The following PLPPR1 variants were observed in gnomAD, a reference collection of about 807,000 sequenced individuals.
The protein encoded by PLPPR1 is phospholipid phosphatase related 1, also known as phospholipid phosphatase-related protein type 1.
A neutral mutation model predicts 33.1 loss-of-function variants in PLPPR1; 10 were observed. The ratio of observed to expected loss-of-function variants is 0.30; its 90% CI spans 0.19 to 0.51. The LOEUF is 0.51. Among genes scored for constraint, PLPPR1 ranks in the 20% least tolerant of loss-of-function variants. The pLI is 0.97. For synonymous variants in PLPPR1, 151 were observed against 151.0 expected, an observed-to-expected ratio of 1.00 and a Z score of 0.00; for missense variants, 304 against 408.1, an observed-to-expected ratio of 0.74 and a Z score of 2.20.
chr9:101,309,124 T>G (rs575212532), intron 4 of PLPPR1, 87 bp from the exon 5 acceptor site: 1 of 1,369,096 alleles, frequency 7.3e-7, no homozygotes, highest in Non-Finnish European at 1.0e-6. Flanking sequence ...TAGGTCATCA[T>G]GGACTCTCAC....
intron 2 of PLPPR1, among the ~76,000 whole-genome samples, chr9:101,244,982 A>G (rs972864463): frequency 1.1e-4 from 17 of 152,038 alleles, no homozygotes; most frequent in Non-Finnish European, 1.8e-4. Flanking sequence ...TAAGAATACA[A>G]TACACCTACT....
intron 1 of PLPPR1, among the ~76,000 whole-genome samples, chr9:101,085,923 G>C (rs1244761282): frequency 6.6e-6 from 1 of 151,956 alleles, no homozygotes; most frequent in Non-Finnish European, 1.5e-5. Flanking sequence ...TCTTTGCCTT[G>C]TTCCTGATCT....
At chr9:101,183,557 A>G (rs1244854106) in intron 1 of PLPPR1, among the ~76,000 whole-genome samples, 4 of 151,704 alleles carry the variant, frequency 2.6e-5, no homozygotes, top group African/African-American at 9.7e-5. Flanking sequence ...TTTAGGGGTG[A>G]TTAAAAAGTT....
rs376707379 is a variant in PLPPR1, at chr9:101,230,641, A to C, written c.64-39239A>C. Among the ~76,000 whole-genome samples, 137 of 152,166 alleles carry C rather than the reference A, an allele frequency of 9.0e-4. 1 individual carries two copies. Among genetic ancestry groups the C allele is most frequent in the South Asian group, 3.5e-3 (17 of 4,826 alleles). The stretch of plus-strand genomic sequence containing the variant: ...TTTGTGGTTCAGTATTAGGAGGTCC[A>C]CCTAAGTCTCTAACCCAGGCTTTAG... On this transcript the variant is annotated intron_variant, in intron 2 of 7. Coordinates refer to ENST00000374874, the MANE Select transcript of PLPPR1 (RefSeq NM_207299.2).
chr9:101,301,451 GATACAAGGC>G, intron 4 of PLPPR1, among the ~76,000 whole-genome samples: 1 of 152,264 alleles, frequency 6.6e-6, no homozygotes, highest in Non-Finnish European at 1.5e-5. Context: ...ATCACCCTGT[GATACAAGGC>G]ATACTTATAA....
At chr9:101,045,011 C>A (rs998892121) in intron 1 of PLPPR1, among the ~76,000 whole-genome samples, 3 of 152,040 alleles carry the variant, frequency 2.0e-5, no homozygotes, top group African/African-American at 7.3e-5. Flanking sequence ...TAGAAGGGGG[C>A]TGCTTACAAA....
chr9:101,228,463 G>A (rs941908923), intron 2 of PLPPR1, among the ~76,000 whole-genome samples: 2 of 151,968 alleles, frequency 1.3e-5, no homozygotes, highest in Admixed American at 6.6e-5. Flanking sequence ...CTAGAGGGTT[G>A]GTCAGAATAT....
chr9:101,296,046 C>G (rs1191632887), intron 4 of PLPPR1, among the ~76,000 whole-genome samples: 1 of 150,846 alleles, frequency 6.6e-6, no homozygotes, highest in African/African-American at 2.4e-5. Context: ...TTTTCACAAC[C>G]TACTCATCTG....
At chr9:101,128,337 T>G (rs1831272013) in intron 1 of PLPPR1, among the ~76,000 whole-genome samples, 1 of 152,218 alleles carries the variant, frequency 6.6e-6, no homozygotes, top group South Asian at 2.1e-4. Flanking sequence ...TTCAGAGAAG[T>G]TATTTCTTTA....
chr9:101,175,280 A>G (rs2417248), intron 1 of PLPPR1, among the ~76,000 whole-genome samples: 68,711 of 151,876 alleles, frequency 0.45, 16,629 homozygotes, highest in African/African-American at 0.59. Flanking sequence ...AGTTTTGTGG[A>G]CACCTTTCTT....
At chr9:101,237,945 A>G (rs1432893698) in intron 2 of PLPPR1, among the ~76,000 whole-genome samples, 1 of 126,246 alleles carries the variant, frequency 7.9e-6, no homozygotes, top group Admixed American at 8.3e-5. Context: ...TATATATGCT[A>G]TATATATATA....
At chr9:101,058,660 A>G (rs993875780) in intron 1 of PLPPR1, among the ~76,000 whole-genome samples, 1 of 151,986 alleles carries the variant, frequency 6.6e-6, no homozygotes, top group African/African-American at 2.4e-5. Context: ...CATTTAAATT[A>G]TTTTTTTCTA....
chr9:101,292,330 G>A (rs530297861), intron 4 of PLPPR1, among the ~76,000 whole-genome samples: 33 of 152,338 alleles, frequency 2.2e-4, no homozygotes, highest in African/African-American at 7.9e-4. Flanking sequence ...GTACCTGAAA[G>A]TGATGGGGAG....
At chr9:101,301,725 G>A (rs910424630) in intron 4 of PLPPR1, among the ~76,000 whole-genome samples, 5 of 152,134 alleles carry the variant, frequency 3.3e-5, no homozygotes, top group Non-Finnish European at 7.4e-5. Context: ...CAATTGCACC[G>A]AATGTGTTTG....
intron 2 of PLPPR1, among the ~76,000 whole-genome samples, chr9:101,225,041 A>G (rs987780332): frequency 7.9e-5 from 12 of 152,226 alleles, no homozygotes; most frequent in African/African-American, 1.7e-4. Flanking sequence ...TTATAGCCAG[A>G]AATGTGCCAT....
intron 1 of PLPPR1, among the ~76,000 whole-genome samples, chr9:101,045,338 CT>C (rs991218358): frequency 1.4e-4 from 22 of 152,046 alleles, no homozygotes; most frequent in African/African-American, 5.1e-4. Flanking sequence ...CATTCCTGTT[CT>C]TTTATTTATT....
At chr9:101,119,333 A>G (rs1831149700) in intron 1 of PLPPR1, among the ~76,000 whole-genome samples, 1 of 152,140 alleles carries the variant, frequency 6.6e-6, no homozygotes, top group Admixed American at 6.5e-5. Flanking sequence ...CTCCTGGGAG[A>G]TGCTTCAAGA....
At chr9:101,194,906 A>C (rs911469986) in intron 2 of PLPPR1, among the ~76,000 whole-genome samples, 2 of 152,228 alleles carry the variant, frequency 1.3e-5, no homozygotes, top group African/African-American at 4.8e-5. Flanking sequence ...AATATTCTAA[A>C]TTGGCATTTT....
At chr9:101,135,704 G>T (rs960103033) in intron 1 of PLPPR1, among the ~76,000 whole-genome samples, 1 of 152,106 alleles carries the variant, frequency 6.6e-6, no homozygotes, top group South Asian at 2.1e-4. Context: ...AGTTACCTCC[G>T]GCTTAAAGGT....
Sources: gnomAD v4.1 joint callset for allele counts (sites outside exome capture counted in the v4.1 genomes callset) on GRCh38, gnomAD v4.1.1 for gene constraint, MANE v1.5 for transcripts, NCBI Gene and HGNC (gene_info 2026-07-23, HGNC 2026-07-21) for gene names.